The following RICTOR variants were observed in gnomAD, a reference collection of about 807,000 sequenced individuals.
RICTOR encodes the protein rapamycin-insensitive companion of mTOR.
In RICTOR, 49 loss-of-function variants were observed where a neutral mutation model predicts 214.9. That is an observed-to-expected ratio of 0.23 (90% CI 0.18 to 0.29). The LOEUF is 0.29. RICTOR is among the 10% of genes least tolerant of loss of function. The pLI is 1.00. For missense variants in RICTOR, 1,625 were observed against 2,047.0 expected (o/e 0.79, Z 3.98); for synonymous variants, 717 against 711.3 (o/e 1.01, Z -0.13).
rs1748872135 is a variant in RICTOR at position 38,952,404 on chromosome 5, C to A, written c.2919G>T (p.Gly973=). The stretch of plus-strand genomic sequence containing the variant: ...AGCCTTGTTTGGTTTTAGCTATGAG[C>A]CCAAGTACATATACACAGGTCCTGT... ...SIRGTCVYVL[G]LIAKTKQGCD... Residue 973 remains glycine (G), a synonymous_variant, in exon 30 of 38, where the codon GGG becomes GGT. Coordinates refer to ENST00000357387, the MANE Select transcript of RICTOR (RefSeq NM_152756.5). 1.9e-6 allele frequency: 3 copies of A among 1,610,470 alleles called. No individual in the cohort carries two copies. The East Asian group carries it at 6.7e-5, about 36-fold the overall frequency.
chr5:38,939,833 CTGA>C lies in RICTOR; in HGVS notation c.*2468_*2470del, dbSNP rs1579837110. On this transcript the variant is annotated 3_prime_UTR_variant, in exon 38 of 38. Transcript: ENST00000357387. ...ATTTTCTCAATTATTTCTATTACTG[CTGA>C]TATCATTCCTAACCTCTTCTGCTAT... The C allele has an allele frequency of 1.3e-5, 3 of 223,740 alleles. No individual in the cohort carries two copies. Among genetic ancestry groups the C allele is most frequent in the South Asian group, 1.8e-4 (1 of 5,440 alleles). 13.9% of individuals were successfully genotyped at this position (223,740 alleles called of 1,614,324 possible). A position where few individuals can be genotyped will look rare whatever the true frequency, so the allele number is the denominator to read the frequency against.
chr5:39,042,122 T>C (rs1323454693), intron 2 of RICTOR, among the ~76,000 whole-genome samples: 1 of 152,084 alleles, frequency 6.6e-6, no homozygotes, highest in Non-Finnish European at 1.5e-5. Context: ...TTATAGGAAG[T>C]ACCCCAGTGA....
intron 26 of RICTOR, 115 bp from the exon 27 acceptor site, chr5:38,954,976 A>G (rs1749131802): frequency 4.0e-6 from 2 of 502,808 alleles, no homozygotes; most frequent in Non-Finnish European, 7.0e-6. Flanking sequence ...CTCCAGCATA[A>G]ATAAAAATAT....
In RICTOR at chr5:38,950,523, GTTTT is replaced by G; in HGVS notation, c.3321_3324del (p.Lys1107AsnfsTer52). On this transcript the variant is annotated frameshift_variant, in exon 31 of 38. Transcript: ENST00000357387. LOFTEE classifies it high-confidence loss of function. ...CCTTTTGGATCACTGCTACTACGAT[GTTTT>G]TTGTTAGGCAAAGTAAGCGAATTTA... 1 of 1,613,142 alleles carries G rather than the reference GTTTT, an allele frequency of 6.2e-7. No homozygotes were observed. The highest frequency in any genetic ancestry group is 8.5e-7 in the Non-Finnish European group (1 of 1,179,510).
intron 7 of RICTOR, among the ~76,000 whole-genome samples, chr5:38,984,908 C>T (rs1752038041): frequency 1.3e-5 from 2 of 152,110 alleles, no homozygotes; most frequent in African/African-American, 4.8e-5. Context: ...CAACCTCCGC[C>T]TCCCGGGTTC....
chr5:39,033,630 T>TTAAAATTGTAACA (rs1756431500), intron 2 of RICTOR, among the ~76,000 whole-genome samples: 5 of 152,066 alleles, frequency 3.3e-5, no homozygotes, highest in Admixed American at 2.0e-4. Flanking sequence ...ATTTGTAACA[T>TTAAAATTGTAACA]ATTAAAATTG....
intron 25 of RICTOR, among the ~76,000 whole-genome samples, chr5:38,956,536 C>A (rs956028104): frequency 6.6e-6 from 1 of 151,948 alleles, no homozygotes; most frequent in Non-Finnish European, 1.5e-5. Context: ...TCCGTGGATA[C>A]CCTTCTTCTA....
intron 2 of RICTOR, among the ~76,000 whole-genome samples, chr5:39,042,087 G>C (rs572848242): frequency 6.6e-6 from 1 of 151,842 alleles, no homozygotes; most frequent in South Asian, 2.1e-4. Context: ...AGTGTGCCTA[G>C]AAAGTTGCCC....
At chr5:38,964,932 TAGAA>T in intron 15 of RICTOR, 40 bp from the exon 16 acceptor site, 1 of 1,238,578 alleles carries the variant, frequency 8.1e-7, no homozygotes, top group South Asian at 1.2e-5. Context: ...TTTTCAGAAG[TAGAA>T]AGAGTTTATG....
chr5:39,037,782 C>T (rs1097026), intron 2 of RICTOR, among the ~76,000 whole-genome samples: 34 of 152,164 alleles, frequency 2.2e-4, no homozygotes, highest in African/African-American at 7.7e-4. Flanking sequence ...AAGTTGAATC[C>T]CTGAATACAC....
chr5:38,949,864 A>G lies in RICTOR; in HGVS notation c.3984T>C (p.Phe1328=), dbSNP rs1204603580. ...GTAGTCTTTTCAGTGTAGCATAGCC[A>G]AAAGCATCTCTAGAACTTGTGTAAC... ...NFSYTSSRDA[F]GYATLKRLQQ... Residue 1328 remains phenylalanine (F), a synonymous_variant, in exon 31 of 38, where the codon TTT becomes TTC. Transcript: ENST00000357387. The G allele has an allele frequency of 6.2e-7, 1 of 1,613,476 alleles. No homozygotes were observed. Among genetic ancestry groups the G allele is most frequent in the Admixed American group, 1.7e-5 (1 of 59,942 alleles).
chr5:38,958,495 T>C lies in RICTOR; in HGVS notation c.2368A>G (p.Met790Val). The C allele has an allele frequency of 6.2e-7, 1 of 1,612,702 alleles. No homozygotes were observed. Residue 790 changes from methionine to valine, a missense_variant, in exon 24 of 38, where the codon ATG (methionine) becomes GTG (valine). This residue lies in a region of RICTOR where 1,214 missense variants were observed against 1,470.5 expected (regional missense o/e 0.83). Transcript: ENST00000357387. ...DKANLHALIQ[M>V]KPALSHLGDK... Reference sequence around the variant, plus strand: ...CCAAGGTGGGATAACGCTGGTTTCATCTGAATGAGAGCATGAAGATTGGCC... The same window carrying C: ...CCAAGGTGGGATAACGCTGGTTTCACCTGAATGAGAGCATGAAGATTGGCC...
At chr5:38,944,627 A>C in intron 35 of RICTOR, 58 bp from the exon 36 acceptor site, 1 of 1,414,860 alleles carries the variant, frequency 7.1e-7, no homozygotes, top group Non-Finnish European at 9.6e-7. Context: ...AATGATTAAA[A>C]CTCATGAAAT....
rs1474408195 is a variant in RICTOR at position 38,945,048 on chromosome 5, A to T, written c.4654T>A (p.Ser1552Thr). The stretch of plus-strand genomic sequence containing the variant: ...TGGATAGTCTGCTCACACCAATCAG[A>T]ATATGGAATATCTTGAAAGTCTGAA... ...SHSDFQDIPY[S>T]DWCEQTIHNP... Residue 1552 changes from serine (S) to threonine (T), a missense_variant, in exon 35 of 38, where the codon TCT becomes ACT. Physicochemically the swap from Ser to Thr is moderately conservative, Grantham distance 58 (BLOSUM62 1). This residue lies in a region of RICTOR where 1,214 missense variants were observed against 1,470.5 expected (regional missense o/e 0.83). Transcript: ENST00000357387. The T allele has an allele frequency of 1.2e-6, 2 of 1,604,060 alleles. No individual in the cohort carries two copies. Among genetic ancestry groups the T allele is most frequent in the South Asian group, 2.2e-5 (2 of 89,232 alleles).
At chr5:39,070,957 A>G (rs1488180912) in intron 2 of RICTOR, among the ~76,000 whole-genome samples, 1 of 152,232 alleles carries the variant, frequency 6.6e-6, no homozygotes, top group Non-Finnish European at 1.5e-5. Context: ...AGCAACCATT[A>G]CCAATACGCT....
In RICTOR at chr5:38,949,851, G is replaced by A. The variant is rs1347701770; in HGVS notation, c.3997C>T (p.Leu1333=). The A allele has an allele frequency of 6.2e-7, 1 of 1,613,470 alleles. No homozygotes were observed. The highest frequency in any genetic ancestry group is 1.7e-5 in the Admixed American group (1 of 59,940). Reference sequence around the variant, plus strand: ...ATTCTTTGTTGCTGTAGTCTTTTCAGTGTAGCATAGCCAAAAGCATCTCTA... The same window carrying A: ...ATTCTTTGTTGCTGTAGTCTTTTCAATGTAGCATAGCCAAAAGCATCTCTA... ...SSRDAFGYAT[L]KRLQQQRMHP... is the part of the protein sequence containing the mutation. Residue 1333 remains leucine, a synonymous_variant, in exon 31 of 38, where the codon CTG becomes TTG. Coordinates refer to ENST00000357387, the MANE Select transcript of RICTOR (RefSeq NM_152756.5).
chr5:38,976,939 G>A (rs188871782), intron 9 of RICTOR, among the ~76,000 whole-genome samples: 4 of 152,248 alleles, frequency 2.6e-5, no homozygotes, highest in South Asian at 2.1e-4. Context: ...AGGTATCAGC[G>A]CTATGACTGT....
chr5:39,003,539 G>T lies in RICTOR; in HGVS notation c.260+19C>A. The T allele has an allele frequency of 6.5e-7, 1 of 1,528,274 alleles. No homozygotes were observed. Among genetic ancestry groups the T allele is most frequent in the Non-Finnish European group, 9.0e-7 (1 of 1,106,156 alleles). 94.7% of individuals were successfully genotyped at this position (1,528,274 alleles called of 1,614,324 possible). On this transcript the variant is annotated intron_variant, in intron 4 of 37. Coordinates refer to ENST00000357387, the MANE Select transcript of RICTOR (RefSeq NM_152756.5). ...CTAAAATCTGAAAGGGATGGGAGGG[G>T]GGAATGAACCACACTTACCAAATTA...
chr5:39,054,316 G>A (rs1388762440), intron 2 of RICTOR, among the ~76,000 whole-genome samples: 1 of 152,110 alleles, frequency 6.6e-6, no homozygotes, highest in African/African-American at 2.4e-5. Flanking sequence ...CAGCCCACAT[G>A]TCTTAGTGCT....
Sources: gnomAD v4.1 joint callset for allele counts (sites outside exome capture counted in the v4.1 genomes callset) on GRCh38, gnomAD v4.1.1 for gene constraint, gnomAD v4.1.1 regional missense constraint, MANE v1.5 for transcripts, NCBI Gene and HGNC (gene_info 2026-07-23, HGNC 2026-07-21) for gene names.